The following DCBLD1 variants were observed in gnomAD, a reference collection of about 807,000 sequenced individuals.
DCBLD1 encodes the protein discoidin, CUB and LCCL domain-containing protein 1.
Under a neutral mutation model 71.5 loss-of-function variants are expected in DCBLD1, and 57 were observed. That is an observed-to-expected ratio of 0.80 (90% CI 0.64 to 0.99). The LOEUF is 0.99. DCBLD1 is among the 50% of genes least tolerant of loss of function. DCBLD1 has a pLI of 0.00. For synonymous variants in DCBLD1, 380 were observed against 363.8 expected, an observed-to-expected ratio of 1.04 and a Z score of -0.51; for missense variants, 891 against 923.5, an observed-to-expected ratio of 0.96 and a Z score of 0.46.
At chr6:117,547,408 A>G (rs1779301872) in intron 14 of DCBLD1, among the ~76,000 whole-genome samples, 1 of 152,176 alleles carries the variant, frequency 6.6e-6, no homozygotes, top group South Asian at 2.1e-4. Flanking sequence ...AGCGCCTGGC[A>G]AAGAGTAGGA....
intron 5 of DCBLD1, among the ~76,000 whole-genome samples, chr6:117,531,367 C>T (rs775987799): frequency 1.6e-4 from 24 of 152,174 alleles, no homozygotes; most frequent in Admixed American, 2.6e-4. Flanking sequence ...CCTTAACACT[C>T]TTCCACAGAG....
chr6:117,550,455 A>T (rs770113152), downstream of DCBLD1, among the ~76,000 whole-genome samples: 4 of 152,202 alleles, frequency 2.6e-5, no homozygotes, highest in Non-Finnish European at 5.9e-5. Context: ...GACTTATGTT[A>T]TCAAATCCTA....
At chr6:117,521,292 C>T (rs1009844732) in intron 3 of DCBLD1, among the ~76,000 whole-genome samples, 2 of 152,088 alleles carry the variant, frequency 1.3e-5, no homozygotes, top group African/African-American at 4.8e-5. Flanking sequence ...CTATCATTTA[C>T]TAGGTGATTG....
chr6:117,550,825 G>A (rs921987019), downstream of DCBLD1, among the ~76,000 whole-genome samples: 2 of 152,158 alleles, frequency 1.3e-5, no homozygotes, highest in African/African-American at 4.8e-5. Flanking sequence ...ATTCATGCAC[G>A]TACCAAATAG....
chr6:117,504,470 G>T (rs1232602661), intron 2 of DCBLD1, among the ~76,000 whole-genome samples: 2 of 152,146 alleles, frequency 1.3e-5, no homozygotes, highest in East Asian at 3.9e-4. Flanking sequence ...GAAAACGAAG[G>T]CATCCAAAGG....
Position 117,547,985 on chromosome 6 carries a change from C to T in DCBLD1, c.1694C>T (p.Ala565Val). Residue 565 changes from alanine (A) to valine (V), a missense_variant, in exon 15 of 15, where the codon GCC (alanine) becomes GTC (valine). Transcript: ENST00000338728. ...GSTFRPMDTD[A>V]EEAGVSTDAG... ...ACCTTCCGGCCCATGGACACGGATG[C>T]CGAGGAGGCAGGGGTGAGCACCGAT... 3 of 1,550,564 alleles carry T rather than the reference C, an allele frequency of 1.9e-6. No individual in the cohort carries two copies. The highest frequency in any genetic ancestry group is 2.6e-6 in the Non-Finnish European group (3 of 1,146,958).
chr6:117,539,491 C>T (rs970371280), intron 9 of DCBLD1, 112 bp downstream of exon 9: 4 of 1,209,630 alleles, frequency 3.3e-6, no homozygotes, highest in Non-Finnish European at 4.5e-6. Context: ...TGAGGCCAAG[C>T]ATGGTGGTTC....
At chr6:117,528,571 G>T (rs1403862303) in intron 5 of DCBLD1, among the ~76,000 whole-genome samples, 1 of 152,152 alleles carries the variant, frequency 6.6e-6, no homozygotes, top group African/African-American at 2.4e-5. Flanking sequence ...AAGTTGTTTA[G>T]CCTTAGTTCA....
chr6:117,533,587 T>C (rs1259656640), intron 6 of DCBLD1, among the ~76,000 whole-genome samples: 1 of 152,234 alleles, frequency 6.6e-6, no homozygotes, highest in Non-Finnish European at 1.5e-5. Flanking sequence ...CCACAAGTTA[T>C]AACATTGCTT....
chr6:117,521,510 CTTTA>C lies in DCBLD1; in HGVS notation c.461-9_461-6del, dbSNP rs1428176102. 3.3e-5 allele frequency: 51 copies of C among 1,565,526 alleles called. No homozygotes were observed. The highest frequency in any genetic ancestry group is 4.1e-5 in the Non-Finnish European group (48 of 1,158,462). On this transcript the variant is annotated splice_polypyrimidine_tract_variant and intron_variant, in intron 3 of 14. Coordinates refer to ENST00000338728, the MANE Select transcript of DCBLD1 (RefSeq NM_001366458.2). ...TATTCATTCTATTAATTGCAATTAT[CTTTA>C]TTTATGACAGATTTAATAACATGTT... is the stretch of plus-strand genomic sequence containing the variant.
At chr6:117,515,100 A>G (rs1225737771) in intron 2 of DCBLD1, among the ~76,000 whole-genome samples, 1 of 151,030 alleles carries the variant, frequency 6.6e-6, no homozygotes. Flanking sequence ...GCTCACTGCA[A>G]CCTCCACCCC....
chr6:117,557,465 T>A (rs1779509233), intron 14 of DCBLD1, among the ~76,000 whole-genome samples: 1 of 152,200 alleles, frequency 6.6e-6, no homozygotes, highest in South Asian at 2.1e-4. Context: ...TACACCCTGA[T>A]CAAGCACTCT....
At chr6:117,569,641 A>G in exon 15 of DCBLD1, 1 of 1,613,298 alleles carries the variant, frequency 6.2e-7, no homozygotes, top group Non-Finnish European at 8.5e-7. Context: ...TGACTGCCAA[A>G]ATAGCATCCC....
chr6:117,503,837 C>G lies in DCBLD1; in HGVS notation c.183C>G (p.Thr61=). 2 of 1,614,098 alleles carry G rather than the reference C, an allele frequency of 1.2e-6. No individual in the cohort carries two copies. Among genetic ancestry groups the G allele is most frequent in the Non-Finnish European group, 8.5e-7 (1 of 1,180,002 alleles). Residue 61 remains threonine, a synonymous_variant, in exon 2 of 15, where the codon ACC becomes ACG. Transcript: ENST00000338728. Reference sequence around the variant, plus strand: ...TGACATCTAAGAATTATCCCGGGACCTACCCCAATCACACTGTTTGCGAAA... The same window carrying G: ...TGACATCTAAGAATTATCCCGGGACGTACCCCAATCACACTGTTTGCGAAA... ...GTMTSKNYPG[T]YPNHTVCEKT...
intron 1 of DCBLD1, among the ~76,000 whole-genome samples, chr6:117,498,560 A>G (rs747198107): frequency 1.9e-4 from 29 of 152,062 alleles, no homozygotes; most frequent in African/African-American, 7.0e-4. Flanking sequence ...CTCCCGGCCT[A>G]TCCTCCCCAC....
At chr6:117,551,280 T>G (rs1047639026), downstream of DCBLD1, among the ~76,000 whole-genome samples, 2 of 152,160 alleles carry the variant, frequency 1.3e-5, no homozygotes, top group African/African-American at 4.8e-5. Context: ...TTTTTGGTTG[T>G]TTTCTTTATT....
chr6:117,548,528 G>T lies in DCBLD1; in HGVS notation c.*89G>T. 1 of 1,515,326 alleles carries T rather than the reference G, an allele frequency of 6.6e-7. No homozygotes were observed. The highest frequency in any genetic ancestry group is 8.8e-7 in the Non-Finnish European group (1 of 1,135,708). The allele number at this position is 1,515,326 out of a possible 1,614,324, so 93.9% of individuals were successfully genotyped here. A position where few individuals can be genotyped will look rare whatever the true frequency, so the allele number is the denominator to read the frequency against. The stretch of plus-strand genomic sequence containing the variant: ...GGGAGCCTGCTGGTCCAGAGTGTGC[G>T]TGTGTATCGGTGTGTGTGTACACTT... On this transcript the variant is annotated 3_prime_UTR_variant, in exon 15 of 15. Coordinates refer to ENST00000338728, the MANE Select transcript of DCBLD1 (RefSeq NM_001366458.2).
intron 2 of DCBLD1, among the ~76,000 whole-genome samples, chr6:117,505,695 G>C (rs79221619): frequency 6.6e-6 from 1 of 152,104 alleles, no homozygotes; most frequent in South Asian, 2.1e-4. Flanking sequence ...GGTCAGGGGC[G>C]GTGGCTTATG....
intron 1 of DCBLD1, among the ~76,000 whole-genome samples, chr6:117,483,369 A>G (rs996811807): frequency 6.6e-6 from 1 of 152,096 alleles, no homozygotes; most frequent in African/African-American, 2.4e-5. Flanking sequence ...TCCCGCGCGG[A>G]ATTGGAATCC....
Sources: allele counts gnomAD v4.1 joint callset (sites outside exome capture counted in the v4.1 genomes callset), GRCh38; gene constraint gnomAD v4.1.1; transcripts MANE v1.5; gene names NCBI Gene and HGNC (gene_info 2026-07-23, HGNC 2026-07-21).